PPP4R1: variants seen among roughly 807,000 people sequenced by gnomAD.
PPP4R1 encodes serine/threonine-protein phosphatase 4 regulatory subunit 1.
Under a neutral mutation model 111.2 loss-of-function variants are expected in PPP4R1, and 42 were observed. That is an observed-to-expected ratio of 0.38 (90% CI 0.29 to 0.49). The LOEUF (loss-of-function observed/expected upper bound fraction) is 0.49, where lower values mean the gene tolerates loss of function less well. Among genes scored for constraint, PPP4R1 ranks in the 20% least tolerant of loss-of-function variants. The probability of loss-of-function intolerance (pLI) is 0.97; values close to 1 mark genes in which losing one functional copy is unlikely to be tolerated. For synonymous variants in PPP4R1, 409 were observed against 405.5 expected, an observed-to-expected ratio of 1.01 and a Z score of -0.10; for missense variants, 1,012 against 1,161.6, an observed-to-expected ratio of 0.87 and a Z score of 1.87.
rs971911623 is a variant in PPP4R1 at position 9,548,008 on chromosome 18, G to A, written c.2690-56C>T. 3.2e-5 allele frequency: 49 copies of A among 1,555,204 alleles called. No individual in the cohort carries two copies. The African/African-American group carries it at 6.2e-4, about 20-fold the overall frequency. ...AACCAGTCCAACGGAACACTTCAGA[G>A]TTCCGTCAAGTACGAGTGTAAACAG... is the stretch of plus-strand genomic sequence containing the variant. On this transcript the variant is annotated intron_variant, in intron 19 of 19. Coordinates refer to ENST00000400556, the MANE Select transcript of PPP4R1 (RefSeq NM_001042388.3).
At chr18:9,580,050 T>C (rs1158521263) in intron 9 of PPP4R1, among the ~76,000 whole-genome samples, 1 of 152,178 alleles carries the variant, frequency 6.6e-6, no homozygotes, top group Non-Finnish European at 1.5e-5. Flanking sequence ...GCTATGTTAA[T>C]CTTTTCTAAC....
intron 11 of PPP4R1, 129 bp from the exon 12 acceptor site, chr18:9,563,679 G>T: frequency 1.2e-6 from 1 of 852,210 alleles, no homozygotes; most frequent in Non-Finnish European, 1.7e-6. Context: ...TCAAAAAGCT[G>T]GAAAAAAATT....
rs957630658 is a variant in PPP4R1, at chr18:9,562,043, G to A, written c.1779C>T (p.Ser593=). 9 of 1,612,850 alleles carry A rather than the reference G, an allele frequency of 5.6e-6. No homozygotes were observed. Among genetic ancestry groups the A allele is most frequent in the Admixed American group, 1.7e-5 (1 of 59,982 alleles). Residue 593 remains serine, a synonymous_variant, in exon 13 of 20, where the codon AGC becomes AGT. Coordinates refer to ENST00000400556, the MANE Select transcript of PPP4R1 (RefSeq NM_001042388.3). ...TGCTATTGTTGCTCAAGTCTGAATC[G>A]CTGTGAATATAGTGAAGAGTGGAGT... The part of the protein sequence containing the change: ...NMDSTLHYIH[S]DSDLSNNSSF...
chr18:9,569,040 A>G (rs1382264292), intron 11 of PPP4R1, among the ~76,000 whole-genome samples: 1 of 151,998 alleles, frequency 6.6e-6, no homozygotes, highest in Non-Finnish European at 1.5e-5. Context: ...TCAAAAAAAA[A>G]AAAAAAGTAG....
chr18:9,570,374 C>A lies in PPP4R1; in HGVS notation c.1356G>T (p.Leu452Phe). Reference sequence around the variant, plus strand: ...TCCTCCAGAAATGGAAGGAGTTATACAATTCCTGATCTAAGAGAGCTGAAT... The same window carrying A: ...TCCTCCAGAAATGGAAGGAGTTATAAAATTCCTGATCTAAGAGAGCTGAAT... Reference protein sequence around the residue: ...SQDSALLDQELYNSFHFWRTP... With the variant: ...SQDSALLDQEFYNSFHFWRTP... The change falls in exon 11 of 20, where the codon TTG becomes TTT. Residue 452 changes from leucine (L) to phenylalanine (F), a missense_variant. By Grantham distance (22) the Leu-to-Phe change is conservative (BLOSUM62 0). Around this residue, in one of 2 missense-constraint regions of PPP4R1, gnomAD observed 707 missense variants for 742.1 expected, o/e 0.95. Coordinates refer to ENST00000400556, the MANE Select transcript of PPP4R1 (RefSeq NM_001042388.3). 2.5e-6 allele frequency: 4 copies of A among 1,613,198 alleles called. No homozygotes were observed. The African/African-American group carries it at 5.3e-5, about 22-fold the overall frequency.
At chr18:9,590,916 T>C (rs1241494019) in intron 4 of PPP4R1, among the ~76,000 whole-genome samples, 2 of 151,804 alleles carry the variant, frequency 1.3e-5, no homozygotes, top group East Asian at 3.9e-4. Context: ...CATCACGGAG[T>C]GCAAAGAGAA....
chr18:9,583,312 AG>A (rs759047840), intron 8 of PPP4R1, 37 bp from the exon 9 acceptor site: 1 of 1,450,156 alleles, frequency 6.9e-7, no homozygotes, highest in Non-Finnish European at 9.3e-7. Flanking sequence ...AGTTGGATAA[AG>A]ATAGCAGATT....
chr18:9,610,146 G>A (rs1231190183), intron 2 of PPP4R1, among the ~76,000 whole-genome samples: 1 of 152,120 alleles, frequency 6.6e-6, no homozygotes, highest in Non-Finnish European at 1.5e-5. Context: ...AATCTTAACC[G>A]TATCTTAGTC....
Position 9,593,761 on chromosome 18 carries a change from C to A in PPP4R1, c.295+7G>T, listed in dbSNP as rs1208031546. 8 of 1,609,632 alleles carry A rather than the reference C, an allele frequency of 5.0e-6. No individual in the cohort carries two copies. The African/African-American group carries it at 1.1e-4, about 22-fold the overall frequency. ...GAATAGAGTAAATTCACTTTCTCCA[C>A]ATATACCTGAATCATCGGCCAATCT... On this transcript the variant is annotated splice_region_variant and intron_variant, in intron 4 of 19. Transcript: ENST00000400556.
At chr18:9,610,287 ATAAT>A (rs1240220060) in intron 2 of PPP4R1, among the ~76,000 whole-genome samples, 1 of 152,246 alleles carries the variant, frequency 6.6e-6, no homozygotes, top group African/African-American at 2.4e-5. Context: ...TTTAAGGAAC[ATAAT>A]TAAATATAAA....
intron 10 of PPP4R1, 47 bp from the exon 11 acceptor site, chr18:9,570,730 T>C (rs1598913358): frequency 1.3e-6 from 2 of 1,486,084 alleles, no homozygotes; most frequent in Middle Eastern, 3.7e-4. Context: ...GAAAGGATAA[T>C]TACTTTAAAA....
In PPP4R1 at chr18:9,557,351, A is replaced by G; in HGVS notation, c.2060T>C (p.Ile687Thr). 6.2e-7 allele frequency: 1 copy of G among 1,605,554 alleles called. No individual in the cohort carries two copies. The highest frequency in any genetic ancestry group is 8.5e-7 in the Non-Finnish European group (1 of 1,177,978). The change falls in exon 15 of 20, where the codon ATC (isoleucine) becomes ACC (threonine). Residue 687 changes from isoleucine to threonine, a missense_variant. Ile to Thr is a moderately conservative substitution (Grantham distance 89, BLOSUM62 -1). Coordinates refer to ENST00000400556, the MANE Select transcript of PPP4R1 (RefSeq NM_001042388.3). Reference protein sequence around the residue: ...WKVRRTLAFSIHELAVILGDQ... With the variant: ...WKVRRTLAFSTHELAVILGDQ... The stretch of plus-strand genomic sequence containing the variant: ...TCCAAGAATAACTGCAAGCTCGTGG[A>G]TGGAGAATGCTAGAGTTCGTCGAAC...
At chr18:9,598,158 G>A (rs1190300372) in intron 2 of PPP4R1, among the ~76,000 whole-genome samples, 2 of 152,098 alleles carry the variant, frequency 1.3e-5, no homozygotes, top group African/African-American at 4.8e-5. Context: ...GGGGGAGGAA[G>A]AGAATTAAGC....
At chr18:9,593,951 G>GGAATGA in intron 3 of PPP4R1, 77 bp from the exon 4 acceptor site, 1 of 1,150,916 alleles carries the variant, frequency 8.7e-7, no homozygotes, top group South Asian at 1.3e-5. Flanking sequence ...TTTTGAGACA[G>GGAATGA]GGCCTCATTC....
chr18:9,594,053 G>T, intron 3 of PPP4R1, 179 bp from the exon 4 acceptor site: 1 of 533,672 alleles, frequency 1.9e-6, no homozygotes, highest in Non-Finnish European at 3.4e-6. Context: ...TCAGCCTCCT[G>T]AGTAGCTGAG....
chr18:9,581,381 T>TA (rs2145178897), intron 9 of PPP4R1, among the ~76,000 whole-genome samples: 1 of 151,906 alleles, frequency 6.6e-6, no homozygotes, highest in Non-Finnish European at 1.5e-5. Context: ...AAAGAGAAAT[T>TA]ACAAAAAAGA....
chr18:9,566,413 G>GCTCACGCCTGTAATCCCAGCA (rs2066765619), intron 11 of PPP4R1, among the ~76,000 whole-genome samples: 2 of 151,872 alleles, frequency 1.3e-5, no homozygotes, highest in East Asian at 4.0e-4. Context: ...ACTTTGGGAG[G>GCTCACGCCTGTAATCCCAGCA]CTGAGGTGGG....
intron 9 of PPP4R1, among the ~76,000 whole-genome samples, chr18:9,582,324 C>G (rs60500709): frequency 0.34 from 51,185 of 151,508 alleles, 8,940 homozygotes; most frequent in Middle Eastern, 0.45. Context: ...ACTCAAATTA[C>G]TCAAATAGGA....
At chr18:9,552,954 T>C (rs1453958241) in intron 16 of PPP4R1, among the ~76,000 whole-genome samples, 1 of 152,172 alleles carries the variant, frequency 6.6e-6, no homozygotes, top group Non-Finnish European at 1.5e-5. Context: ...AACAGGCAAA[T>C]CCATAGATAG....
Sources: allele counts gnomAD v4.1 joint callset (sites outside exome capture counted in the v4.1 genomes callset), GRCh38; gene constraint gnomAD v4.1.1; regional missense constraint gnomAD v4.1.1; transcripts MANE v1.5; gene names NCBI Gene and HGNC (gene_info 2026-07-23, HGNC 2026-07-21).